SAMD12: variants seen among roughly 807,000 people sequenced by gnomAD.
The protein encoded by SAMD12 is sterile alpha motif domain containing 12.
SAMD12 carries 9 observed loss-of-function variants against 15.0 expected under a neutral mutation model. The ratio of observed to expected loss-of-function variants is 0.60; its 90% confidence interval spans 0.36 to 1.05. The LOEUF (loss-of-function observed/expected upper bound fraction) is 1.05. Ranked by LOEUF, SAMD12 falls within the 50% of genes least tolerant of loss-of-function variation. SAMD12 has a pLI of 0.01. For synonymous variants in SAMD12, 86 were observed against 90.1 expected (o/e 0.96, Z 0.25); for missense variants, 230 against 234.2 (o/e 0.98, Z 0.12).
the SAMD12 span, among the ~76,000 whole-genome samples, chr8:118,155,225 T>G: frequency 6.6e-6 from 1 of 152,184 alleles, no homozygotes; most frequent in South Asian, 2.1e-4. Context: ...TTATTTCTAT[T>G]AAGTCCTGGG....
intron 4 of SAMD12, among the ~76,000 whole-genome samples, chr8:118,268,625 G>T (rs894935358): frequency 6.6e-6 from 1 of 151,950 alleles, no homozygotes; most frequent in African/African-American, 2.4e-5. Flanking sequence ...GACCAGCCTG[G>T]CCAACATGGT....
intron 4 of SAMD12, among the ~76,000 whole-genome samples, chr8:118,306,081 A>C (rs1406846995): frequency 1.3e-5 from 2 of 151,982 alleles, no homozygotes; most frequent in Non-Finnish European, 2.9e-5. Context: ...GAAACTTCCT[A>C]CTGTTGCTAA....
chr8:118,351,963 T>C (rs1817984756), intron 4 of SAMD12, among the ~76,000 whole-genome samples: 1 of 152,208 alleles, frequency 6.6e-6, no homozygotes, highest in Admixed American at 6.5e-5. Flanking sequence ...TGTATTAGGA[T>C]TATCCAACCA....
the SAMD12 span, among the ~76,000 whole-genome samples, chr8:118,133,960 T>C: frequency 2.0e-5 from 3 of 152,210 alleles, no homozygotes; most frequent in South Asian, 2.1e-4. Context: ...GGAATGAAAA[T>C]ATTGGCTCTT....
intron 4 of SAMD12, among the ~76,000 whole-genome samples, chr8:118,339,371 A>C (rs1424242394): frequency 6.6e-6 from 1 of 152,130 alleles, no homozygotes; most frequent in East Asian, 1.9e-4. Flanking sequence ...GAGAGAGAGA[A>C]AGAAAAATGC....
At chr8:118,600,680 TACTAG>T (rs1356160484) in intron 1 of SAMD12, among the ~76,000 whole-genome samples, 1 of 152,220 alleles carries the variant, frequency 6.6e-6, no homozygotes, top group Admixed American at 6.5e-5. Context: ...TAGTAAATAT[TACTAG>T]ACATCAATAA....
intron 2 of SAMD12, among the ~76,000 whole-genome samples, chr8:118,548,424 C>CACACACACACA (rs1268509345): frequency 7.1e-6 from 1 of 141,666 alleles, no homozygotes; most frequent in Non-Finnish European, 1.5e-5. Flanking sequence ...CACACACACA[C>CACACACACACA]CCCATGTGAT....
chr8:118,224,365 T>C (rs1251995156), intron 4 of SAMD12, among the ~76,000 whole-genome samples: 1 of 152,238 alleles, frequency 6.6e-6, no homozygotes, highest in African/African-American at 2.4e-5. Context: ...TTATTATCCT[T>C]ATTTTCTAAT....
At chr8:118,180,378 A>G in the SAMD12 span, among the ~76,000 whole-genome samples, 3 of 152,162 alleles carry the variant, frequency 2.0e-5, no homozygotes, top group African/African-American at 7.2e-5. Context: ...AAAATATGTA[A>G]TACAAATATC....
intron 3 of SAMD12, among the ~76,000 whole-genome samples, chr8:118,420,817 G>T (rs375739377): frequency 1.5e-4 from 23 of 152,300 alleles, no homozygotes; most frequent in African/African-American, 5.5e-4. Flanking sequence ...TAAGGAAACA[G>T]ATTTGATTTG....
At chr8:118,436,352 C>T (rs1270241122) in intron 3 of SAMD12, among the ~76,000 whole-genome samples, 40 of 152,290 alleles carry the variant, frequency 2.6e-4, no homozygotes, top group Non-Finnish European at 4.4e-5. Context: ...AAGAAACTAA[C>T]GTGTGGCATT....
At chr8:118,283,585 C>A (rs1429895211) in intron 4 of SAMD12, among the ~76,000 whole-genome samples, 3 of 152,212 alleles carry the variant, frequency 2.0e-5, no homozygotes, top group Non-Finnish European at 2.9e-5. Context: ...CATACCTGAA[C>A]TAATTTGCAA....
intron 4 of SAMD12, among the ~76,000 whole-genome samples, chr8:118,312,446 C>A (rs1029322506): frequency 6.6e-6 from 1 of 152,162 alleles, no homozygotes; most frequent in Admixed American, 6.5e-5. Flanking sequence ...CAGATCATGT[C>A]CCATCTCATG....
At chr8:118,315,118 T>A (rs1002750577) in intron 4 of SAMD12, among the ~76,000 whole-genome samples, 1 of 152,200 alleles carries the variant, frequency 6.6e-6, no homozygotes, top group African/African-American at 2.4e-5. Flanking sequence ...GACCAAAAGC[T>A]TTAGAGGACT....
At chr8:118,248,004 C>A (rs554963088) in intron 4 of SAMD12, among the ~76,000 whole-genome samples, 7 of 152,254 alleles carry the variant, frequency 4.6e-5, no homozygotes, top group African/African-American at 1.4e-4. Flanking sequence ...CAGACAGTCA[C>A]ATACAACAGG....
At chr8:118,456,580 A>G (rs1340309287) in intron 2 of SAMD12, among the ~76,000 whole-genome samples, 1 of 152,210 alleles carries the variant, frequency 6.6e-6, no homozygotes, top group African/African-American at 2.4e-5. Flanking sequence ...TTCTCCATGT[A>G]TCTGTTCCTG....
At chr8:118,535,971 A>G (rs968297306) in intron 2 of SAMD12, among the ~76,000 whole-genome samples, 5 of 152,178 alleles carry the variant, frequency 3.3e-5, no homozygotes, top group African/African-American at 1.2e-4. Flanking sequence ...CCACTGTCCA[A>G]CAAACCCCAG....
Position 118,471,051 on chromosome 8 carries a change from C to T in SAMD12, c.193-31090G>A, listed in dbSNP as rs145156705. 8.1e-4 allele frequency among the ~76,000 whole-genome samples: 123 copies of T among 152,290 alleles called. 1 individual carries two copies. The highest frequency in any genetic ancestry group is 2.9e-3 in the African/African-American group (121 of 41,552). On this transcript the variant is annotated intron_variant, in intron 2 of 3. Coordinates refer to ENST00000314727, the MANE Select transcript of SAMD12 (RefSeq NM_207506.3). ...AATACAGTATTTAAATGAAAGGCTT[C>T]AGGCAAATTAGCTGATCAATTATAC... is the stretch of plus-strand genomic sequence containing the variant.
intron 2 of SAMD12, among the ~76,000 whole-genome samples, chr8:118,527,927 CTACT>C (rs1232135397): frequency 2.0e-5 from 3 of 152,090 alleles, no homozygotes; most frequent in Non-Finnish European, 2.9e-5. Flanking sequence ...GGAATAAAGC[CTACT>C]TAGTTATTGC....
Sources: allele counts gnomAD v4.1 joint callset (sites outside exome capture counted in the v4.1 genomes callset), GRCh38; gene constraint gnomAD v4.1.1; transcripts MANE v1.5; gene names NCBI Gene and HGNC (gene_info 2026-07-23, HGNC 2026-07-21).